The following PCSK6 variants were observed in gnomAD, a reference collection of about 807,000 sequenced individuals.
PCSK6 encodes proprotein convertase subtilisin/kexin type 6.
Under a neutral mutation model 123.3 loss-of-function variants are expected in PCSK6, and 85 were observed. The observed-to-expected ratio is 0.69, with a 90% CI of 0.58 to 0.83. The LOEUF (loss-of-function observed/expected upper bound fraction) is 0.83. PCSK6 is among the 40% of genes least tolerant of loss of function. The pLI is 0.00. For synonymous variants in PCSK6, 508 were observed against 516.0 expected, an observed-to-expected ratio of 0.98 and a Z score of 0.21; for missense variants, 1,191 against 1,282.3, an observed-to-expected ratio of 0.93 and a Z score of 1.09.
rs369923104 is a variant in PCSK6, at chr15:101,443,588, C to T, written c.370G>A (p.Gly124Ser). ...TCCATTCTGAGGAAGGTGTGAGGGCCTCTGCTACTCAAGGTTGATCTTTTA... is the reference window on the plus strand; with the variant it reads ...TCCATTCTGAGGAAGGTGTGAGGGCTTCTGCTACTCAAGGTTGATCTTTTA... ...TFKRSTLSSR[G>S]PHTFLRMDPQ... The change falls in exon 2 of 22, where the codon GGC (glycine) becomes AGC (serine). Residue 124 changes from glycine (G) to serine (S), a missense_variant. By Grantham distance (56) the Gly-to-Ser change is moderately conservative (BLOSUM62 0). This residue lies in a region of PCSK6 where 204 missense variants were observed against 166.4 expected (regional missense o/e 1.23). Coordinates refer to ENST00000611716, the MANE Select transcript of PCSK6 (RefSeq NM_002570.5). 7.4e-6 allele frequency: 12 copies of T among 1,613,878 alleles called. No individual in the cohort carries two copies. The highest frequency in any genetic ancestry group is 1.0e-5 in the Non-Finnish European group (12 of 1,179,812).
At chr15:101,340,530 A>C (rs930781235) in intron 13 of PCSK6, among the ~76,000 whole-genome samples, 2 of 152,232 alleles carry the variant, frequency 1.3e-5, no homozygotes, top group African/African-American at 4.8e-5. Context: ...GGTTTATAAC[A>C]AAGAAAGCAG....
intron 7 of PCSK6, among the ~76,000 whole-genome samples, chr15:101,396,917 G>A (rs1442063171): frequency 6.6e-6 from 1 of 152,102 alleles, no homozygotes; most frequent in Admixed American, 6.5e-5. Flanking sequence ...GGACAGGTGG[G>A]TAGATACCCT....
intron 1 of PCSK6, among the ~76,000 whole-genome samples, chr15:101,458,032 C>A (rs1216508266): frequency 6.6e-6 from 1 of 152,162 alleles, no homozygotes; most frequent in Non-Finnish European, 1.5e-5. Context: ...TACGTCCCTC[C>A]AGAGGTGGAG....
chr15:101,469,248 G>T (rs2141229991), intron 1 of PCSK6, among the ~76,000 whole-genome samples: 1 of 152,280 alleles, frequency 6.6e-6, no homozygotes. Context: ...CCCAAGTGAT[G>T]CCCAGAGCAA....
intron 1 of PCSK6, among the ~76,000 whole-genome samples, chr15:101,469,985 C>A (rs2057565947): frequency 6.6e-6 from 1 of 152,174 alleles, no homozygotes. Flanking sequence ...TGACTGGCAA[C>A]AACACGCGCT....
intron 19 of PCSK6, among the ~76,000 whole-genome samples, chr15:101,315,083 C>T (rs2039957803): frequency 6.6e-6 from 1 of 152,246 alleles, no homozygotes; most frequent in African/African-American, 2.4e-5. Flanking sequence ...GGGTCCTTAA[C>T]ACCTGTGGAG....
chr15:101,337,744 T>TG, intron 13 of PCSK6, among the ~76,000 whole-genome samples: 1 of 152,360 alleles, frequency 6.6e-6, no homozygotes, highest in Non-Finnish European at 1.5e-5. Context: ...GTTTGGTGCA[T>TG]TAGCTTCAGT....
At chr15:101,458,290 C>T (rs2057243301) in intron 1 of PCSK6, among the ~76,000 whole-genome samples, 1 of 152,224 alleles carries the variant, frequency 6.6e-6, no homozygotes, top group Non-Finnish European at 1.5e-5. Flanking sequence ...TGTGTGTTCG[C>T]TTTGCCCCAG....
chr15:101,455,294 C>A (rs1262160298), intron 1 of PCSK6, among the ~76,000 whole-genome samples: 1 of 152,220 alleles, frequency 6.6e-6, no homozygotes, highest in Admixed American at 6.5e-5. Flanking sequence ...GCATAGCCGA[C>A]CCCAAGGCAC....
At chr15:101,360,591 TTAG>T (rs1403544364) in intron 13 of PCSK6, among the ~76,000 whole-genome samples, 35 of 109,466 alleles carry the variant, frequency 3.2e-4, no homozygotes, top group East Asian at 1.1e-3. Flanking sequence ...CCCGGGGGCC[TTAG>T]CATCCCCTGG....
At chr15:101,370,636 G>T in intron 11 of PCSK6, 113 bp from the exon 12 acceptor site, 2 of 1,007,292 alleles carry the variant, frequency 2.0e-6, no homozygotes, top group Non-Finnish European at 2.6e-6. Flanking sequence ...TCAGGGCCCT[G>T]CGGGCCCCGG....
intron 1 of PCSK6, among the ~76,000 whole-genome samples, chr15:101,486,338 G>A (rs1214375880): frequency 1.3e-5 from 2 of 152,040 alleles, no homozygotes; most frequent in East Asian, 1.9e-4. Flanking sequence ...CTATTTCAAC[G>A]TATCTAACAG....
chr15:101,342,789 C>G (rs540788819), intron 13 of PCSK6, among the ~76,000 whole-genome samples: 1 of 152,240 alleles, frequency 6.6e-6, no homozygotes, highest in Admixed American at 6.5e-5. Context: ...GTAATCCCAG[C>G]TACTTGGGAG....
At chr15:101,426,195 C>T (rs1249775757) in intron 6 of PCSK6, among the ~76,000 whole-genome samples, 1 of 152,186 alleles carries the variant, frequency 6.6e-6, no homozygotes, top group Non-Finnish European at 1.5e-5. Context: ...GCTCAGCTAT[C>T]CCCTGCAGAC....
rs78082073 is a variant in PCSK6, at chr15:101,388,457, A to G, written c.1310+1007T>C. ...TAAAGTACAATTTGGTTTTGACTCT[A>G]TGACTCCATGTGCGGTTAACTTGCT... is the stretch of plus-strand genomic sequence containing the variant. On this transcript the variant is annotated intron_variant, in intron 9 of 21. Transcript: ENST00000611716. 6.3e-3 allele frequency among the ~76,000 whole-genome samples: 961 copies of G among 152,344 alleles called. 8 individuals are homozygous for G. The highest frequency in any genetic ancestry group is 0.022 in the African/African-American group (895 of 41,570).
chr15:101,375,791 T>C (rs2041719078), intron 11 of PCSK6, among the ~76,000 whole-genome samples: 2 of 152,184 alleles, frequency 1.3e-5, no homozygotes, highest in African/African-American at 4.8e-5. Context: ...TCCCAGCACT[T>C]TGAGAGGCTG....
intron 13 of PCSK6, among the ~76,000 whole-genome samples, chr15:101,362,497 C>T (rs980216988): frequency 4.6e-5 from 7 of 152,202 alleles, no homozygotes; most frequent in East Asian, 1.9e-4. Flanking sequence ...CCCAGGAGTG[C>T]GTGCAGGGGT....
At chr15:101,308,331 C>T (rs1205277802) in intron 20 of PCSK6, 3 of 152,328 alleles carry the variant, frequency 2.0e-5, no homozygotes, top group African/African-American at 7.2e-5. Flanking sequence ...GCCTGGGCCT[C>T]CCTGGGGGGC....
At chr15:101,453,531 G>A (rs949926232) in intron 1 of PCSK6, among the ~76,000 whole-genome samples, 2 of 152,220 alleles carry the variant, frequency 1.3e-5, no homozygotes, top group African/African-American at 4.8e-5. Flanking sequence ...CAGGAACCCA[G>A]AACTGCGAGA....
Sources: allele counts gnomAD v4.1 joint callset (sites outside exome capture counted in the v4.1 genomes callset), GRCh38; gene constraint gnomAD v4.1.1; regional missense constraint gnomAD v4.1.1; transcripts MANE v1.5; gene names NCBI Gene and HGNC (gene_info 2026-07-23, HGNC 2026-07-21).